KCNH5: variants seen among roughly 807,000 people sequenced by gnomAD.
KCNH5 encodes voltage-gated delayed rectifier potassium channel KCNH5.
In KCNH5, 46 loss-of-function variants were observed where a neutral mutation model predicts 96.1. The ratio of observed to expected loss-of-function variants is 0.48; its 90% confidence interval spans 0.38 to 0.61. KCNH5 has a LOEUF of 0.61. Among genes scored for constraint, KCNH5 ranks in the 20% least tolerant of loss-of-function variants. The probability of loss-of-function intolerance (pLI) is 0.00; values close to 1 mark genes in which losing one functional copy is unlikely to be tolerated. For synonymous variants in KCNH5, 439 were observed against 449.8 expected (o/e 0.98, Z 0.30); for missense variants, 907 against 1,225.8 (o/e 0.74, Z 3.88).
chr14:62,754,126 ATTAG>A (rs1885565554), intron 10 of KCNH5, among the ~76,000 whole-genome samples: 1 of 152,202 alleles, frequency 6.6e-6, no homozygotes, highest in African/African-American at 2.4e-5. Flanking sequence ...TAGAGTTTTT[ATTAG>A]TTCTCTTTGG....
chr14:62,764,648 C>G (rs1488640539), intron 10 of KCNH5, among the ~76,000 whole-genome samples: 1 of 152,166 alleles, frequency 6.6e-6, no homozygotes, highest in Non-Finnish European at 1.5e-5. Context: ...TCTCCTAAAA[C>G]TGATCAACCA....
intron 8 of KCNH5, among the ~76,000 whole-genome samples, chr14:62,815,379 A>G (rs959878800): frequency 2.6e-5 from 4 of 152,122 alleles, no homozygotes; most frequent in Non-Finnish European, 4.4e-5. Context: ...ACTTTGTGAA[A>G]TTTTATCAAA....
chr14:63,026,789 T>C (rs770575721), intron 1 of KCNH5, among the ~76,000 whole-genome samples: 1 of 152,072 alleles, frequency 6.6e-6, no homozygotes, highest in Non-Finnish European at 1.5e-5. Flanking sequence ...TAGAAAACAG[T>C]ATGGAGGTTC....
At chr14:63,043,098 G>A (rs925243601) in intron 1 of KCNH5, among the ~76,000 whole-genome samples, 2 of 152,056 alleles carry the variant, frequency 1.3e-5, no homozygotes, top group Non-Finnish European at 2.9e-5. Context: ...ATACAAAATG[G>A]AGGCAACAGA....
intron 4 of KCNH5, among the ~76,000 whole-genome samples, chr14:62,999,540 A>C (rs1890972502): frequency 6.6e-6 from 1 of 152,112 alleles, no homozygotes; most frequent in Non-Finnish European, 1.5e-5. Flanking sequence ...GCCATAAAAA[A>C]TGATGAGTTT....
chr14:63,032,636 T>C (rs1313701586), intron 1 of KCNH5, among the ~76,000 whole-genome samples: 1 of 152,224 alleles, frequency 6.6e-6, no homozygotes, highest in East Asian at 1.9e-4. Context: ...TTACTTAGTT[T>C]CTTATCCAAA....
Position 62,706,020 on chromosome 14 carries a change from TAC to T in KCNH5, c.*1486_*1487del, listed in dbSNP as rs536175270. The T allele has an allele frequency of 1.4e-4, 22 of 152,220 alleles. No homozygotes were observed. Among genetic ancestry groups the T allele is most frequent in the African/African-American group, 4.6e-4 (19 of 41,562 alleles). The allele number at this position is 152,220 out of a possible 1,614,324, so 9.4% of individuals were successfully genotyped here. Reference sequence around the variant, plus strand: ...TGCTTCCCTGAACGACTTCCTAAAATACAGTTTAGTCAAAAGAAATAAGTTCT... The same window carrying T: ...TGCTTCCCTGAACGACTTCCTAAAATAGTTTAGTCAAAAGAAATAAGTTCT... On this transcript the variant is annotated 3_prime_UTR_variant, in exon 11 of 11. Coordinates refer to ENST00000322893, the MANE Select transcript of KCNH5 (RefSeq NM_139318.5).
At chr14:62,957,512 T>C (rs1890126905) in intron 6 of KCNH5, among the ~76,000 whole-genome samples, 1 of 152,222 alleles carries the variant, frequency 6.6e-6, no homozygotes. Context: ...TTTTTCCCCC[T>C]GTATCCATAC....
intron 7 of KCNH5, among the ~76,000 whole-genome samples, chr14:62,894,089 T>G (rs1433450597): frequency 6.6e-6 from 1 of 152,190 alleles, no homozygotes; most frequent in Non-Finnish European, 1.5e-5. Context: ...ATGAACATTG[T>G]TTTTTAGACA....
intron 7 of KCNH5, among the ~76,000 whole-genome samples, chr14:62,946,512 T>C (rs1889889837): frequency 6.8e-6 from 1 of 147,796 alleles, no homozygotes; most frequent in Non-Finnish European, 1.5e-5. Context: ...GTTTTTTGTG[T>C]GGTTTTTTTT....
At chr14:62,878,206 G>T (rs182413872) in intron 7 of KCNH5, among the ~76,000 whole-genome samples, 6 of 138,204 alleles carry the variant, frequency 4.3e-5, no homozygotes, top group Admixed American at 7.1e-5. Flanking sequence ...GGGGATGGGG[G>T]GGGGGGCGGA....
At chr14:62,910,611 C>T (rs1487803514) in intron 7 of KCNH5, among the ~76,000 whole-genome samples, 1 of 152,122 alleles carries the variant, frequency 6.6e-6, no homozygotes, top group Non-Finnish European at 1.5e-5. Flanking sequence ...ACATTCAGAG[C>T]ACAGGCTGTA....
Position 63,016,970 on chromosome 14 carries a change from G to GA in KCNH5, c.74-17dup, listed in dbSNP as rs768346675. On this transcript the variant is annotated splice_polypyrimidine_tract_variant and intron_variant, in intron 1 of 10. Transcript: ENST00000322893. The stretch of plus-strand genomic sequence containing the variant: ...AAACTTGATTCTGAAGAAGAAAGGA[G>GA]AAAAAAGGAGGTTATTTAGCTTAAT... The GA allele has an allele frequency of 5.7e-6, 9 of 1,585,632 alleles. No homozygotes were observed. Among genetic ancestry groups the GA allele is most frequent in the African/African-American group, 2.7e-5 (2 of 72,880 alleles).
chr14:62,779,770 G>A lies in KCNH5; in HGVS notation c.1977C>T (p.Ser659=), dbSNP rs994523199. 6.2e-7 allele frequency: 1 copy of A among 1,613,950 alleles called. No homozygotes were observed. The highest frequency in any genetic ancestry group is 8.5e-7 in the Non-Finnish European group (1 of 1,179,904). Residue 659 remains serine (S), a synonymous_variant, in exon 10 of 11, where the codon TCC becomes TCT. Coordinates refer to ENST00000322893, the MANE Select transcript of KCNH5 (RefSeq NM_139318.5). Reference sequence around the variant, plus strand: ...AAGTAAGAGTGAGATTCCTTGAGAAGGAGTTTGCAAAAGCTGTATAAAAGT... The same window carrying A: ...AAGTAAGAGTGAGATTCCTTGAGAAAGAGTTTGCAAAAGCTGTATAAAAGT... ...VLDFYTAFAN[S]FSRNLTLTCN...
At chr14:62,818,114 G>GA (rs1265417808) in intron 8 of KCNH5, among the ~76,000 whole-genome samples, 2 of 125,838 alleles carry the variant, frequency 1.6e-5, no homozygotes, top group African/African-American at 2.8e-5. Context: ...GGGGGCGGGG[G>GA]GGGGGTGGAA....
In KCNH5 at chr14:62,708,189, C is replaced by A; in HGVS notation, c.2286G>T (p.Gln762His). Residue 762 changes from glutamine to histidine, a missense_variant, in exon 11 of 11, where the codon CAG (glutamine) becomes CAT (histidine). Coordinates refer to ENST00000322893, the MANE Select transcript of KCNH5 (RefSeq NM_139318.5). ...TGGTTTTCACATAGGCCAGAGACGT[C>A]TGAATGGGAGTAATCTGTGACACAG... ...VVTVSQITPI[Q>H]TSLAYVKTSE... The A allele has an allele frequency of 6.2e-7, 1 of 1,614,224 alleles. No individual in the cohort carries two copies. The highest frequency in any genetic ancestry group is 8.5e-7 in the Non-Finnish European group (1 of 1,180,038).
intron 2 of KCNH5, among the ~76,000 whole-genome samples, chr14:63,008,253 C>A (rs1891162424): frequency 6.6e-6 from 1 of 151,900 alleles, no homozygotes; most frequent in Non-Finnish European, 1.5e-5. Flanking sequence ...AAAAAGAATA[C>A]AAAATTATAA....
chr14:62,837,478 A>C (rs2140033610), intron 8 of KCNH5, among the ~76,000 whole-genome samples: 1 of 152,326 alleles, frequency 6.6e-6, no homozygotes, highest in Admixed American at 6.5e-5. Flanking sequence ...GCATAAAAGA[A>C]TTTTACCTCC....
rs1887196018 is a variant in KCNH5, at chr14:62,825,127, A to G, written c.1570-22546T>C. Among the ~76,000 whole-genome samples, 3 of 152,070 alleles carry G rather than the reference A, an allele frequency of 2.0e-5. No individual in the cohort carries two copies. The South Asian group carries it at 6.2e-4, about 32-fold the overall frequency. On this transcript the variant is annotated intron_variant, in intron 8 of 10. Transcript: ENST00000322893. Reference sequence around the variant, plus strand: ...TTTTCTTTTGCATATATACCTAGTAATTGAAATTGCTGGATGGAATGGTAG... The same window carrying G: ...TTTTCTTTTGCATATATACCTAGTAGTTGAAATTGCTGGATGGAATGGTAG...
Sources: allele counts gnomAD v4.1 joint callset (sites outside exome capture counted in the v4.1 genomes callset), GRCh38; gene constraint gnomAD v4.1.1; transcripts MANE v1.5; gene names NCBI Gene and HGNC (gene_info 2026-07-23, HGNC 2026-07-21).